The following PIK3C2A variants were observed in gnomAD, a reference collection of about 807,000 sequenced individuals.
PIK3C2A encodes phosphatidylinositol-4-phosphate 3-kinase catalytic subunit type 2 alpha, also known as phosphatidylinositol 4-phosphate 3-kinase C2 domain-containing subunit alpha.
A neutral mutation model predicts 204.5 loss-of-function variants in PIK3C2A; 97 were observed. The observed-to-expected ratio is 0.47, with a 90% CI of 0.40 to 0.56. PIK3C2A has a LOEUF of 0.56. PIK3C2A is among the 20% of genes least tolerant of loss of function. PIK3C2A has a pLI of 0.00. For missense variants in PIK3C2A, 1,735 were observed against 1,969.2 expected, an observed-to-expected ratio of 0.88 and a Z score of 2.25; for synonymous variants, 653 against 664.4, an observed-to-expected ratio of 0.98 and a Z score of 0.26.
At chr11:17,131,768 A>G in intron 12 of PIK3C2A, 148 bp downstream of exon 12, 2 of 702,730 alleles carry the variant, frequency 2.8e-6, no homozygotes, top group African/African-American at 1.8e-5. Context: ...CTATAAAATC[A>G]TATCTAGAAG....
chr11:17,092,438 G>A (rs535471878), intron 28 of PIK3C2A, among the ~76,000 whole-genome samples, 162 bp from the exon 29 acceptor site: 11 of 152,282 alleles, frequency 7.2e-5, no homozygotes, highest in African/African-American at 1.9e-4. Flanking sequence ...AGGCCAAGGC[G>A]GGTGGATCAC....
chr11:17,105,422 A>G, intron 22 of PIK3C2A, 117 bp from the exon 23 acceptor site: 1 of 822,296 alleles, frequency 1.2e-6, no homozygotes, highest in Non-Finnish European at 1.9e-6. Context: ...ATACACGTGC[A>G]GAATGTGCAA....
chr11:17,101,306 G>A lies in PIK3C2A; in HGVS notation c.3980C>T (p.Thr1327Ile). Residue 1327 changes from threonine (T) to isoleucine (I), a missense_variant, in exon 25 of 33, where the codon ACA becomes ATA. By Grantham distance (89) the Thr-to-Ile change is moderately conservative. Coordinates refer to ENST00000691414, the MANE Select transcript of PIK3C2A (RefSeq NM_002645.4). ...CQAYNLIRKQTNLFLNLLSLM... is the reference protein window; with the variant it reads ...CQAYNLIRKQINLFLNLLSLM... ...TGAAAGGAGGTTAAGAAAAAGGTTT[G>A]TCTGCTTTCTTATCAAGTTGTAGGC... The A allele has an allele frequency of 6.4e-7, 1 of 1,561,246 alleles. No homozygotes were observed. The highest frequency in any genetic ancestry group is 8.7e-7 in the Non-Finnish European group (1 of 1,143,748).
In PIK3C2A at chr11:17,096,044, T is replaced by G. The variant is rs564461321; in HGVS notation, c.4326+1013A>C. ...ACTTGTTTTGCTGGCTAGTTAAACT[T>G]TTTTTTTTTTTTGATACAGCGTCTT... On this transcript the variant is annotated intron_variant, in intron 27 of 32. Coordinates refer to ENST00000691414, the MANE Select transcript of PIK3C2A (RefSeq NM_002645.4). Among the ~76,000 whole-genome samples, 5 of 147,382 alleles carry G rather than the reference T, an allele frequency of 3.4e-5. No individual in the cohort carries two copies. In the East Asian group the frequency reaches 7.8e-4, roughly 23 times the overall value.
intron 21 of PIK3C2A, among the ~76,000 whole-genome samples, chr11:17,112,095 C>T (rs981744476): frequency 1.9e-4 from 29 of 152,022 alleles, no homozygotes; most frequent in African/African-American, 6.8e-4. Context: ...ACGTGTCCAA[C>T]TCATTGAATT....
At chr11:17,101,098 G>C (rs1357399752) in intron 25 of PIK3C2A, among the ~76,000 whole-genome samples, 180 bp downstream of exon 25, 1 of 152,102 alleles carries the variant, frequency 6.6e-6, no homozygotes, top group Non-Finnish European at 1.5e-5. Flanking sequence ...TCAGACAGTA[G>C]GTACTCTTGT....
At position 17,097,114 on chromosome 11, in the gene PIK3C2A, T is replaced by C. The variant is rs61763085; in HGVS notation, c.4269A>G (p.Arg1423=). Residue 1423 remains arginine (R), a synonymous_variant, in exon 27 of 33, where the codon CGA becomes CGG. Coordinates refer to ENST00000691414, the MANE Select transcript of PIK3C2A (RefSeq NM_002645.4). ...ATGTAAAAACAGAGACTTCCTTGAT[T>C]CGACCATCTTGTCTAAAGGAGTATG... ...PKTYSFRQDG[R]IKEVSVFTYH... is the part of the protein sequence containing the mutation. 1 of 1,609,174 alleles carries C rather than the reference T, an allele frequency of 6.2e-7. No individual in the cohort carries two copies. The highest frequency in any genetic ancestry group is 1.7e-5 in the Admixed American group (1 of 60,018).
rs752118974 is a variant in PIK3C2A at position 17,203,481 on chromosome 11, T to C, written c.-66+4367A>G. On this transcript the variant is annotated intron_variant, in intron 1 of 32. Coordinates refer to ENST00000691414, the MANE Select transcript of PIK3C2A (RefSeq NM_002645.4). ...AAGACATTTCTTCTCATCCCAACCA[T>C]AATCCTATGAACAACCTGAAAGATA... Among the ~76,000 whole-genome samples the C allele has an allele frequency of 8.5e-5, 13 of 152,266 alleles. No individual in the cohort carries two copies. The South Asian group carries it at 2.3e-3, about 27-fold the overall frequency.
Position 17,181,034 on chromosome 11 carries a change from T to C in PIK3C2A, c.-65-11228A>G, listed in dbSNP as rs150413723. Among the ~76,000 whole-genome samples the C allele has an allele frequency of 5.3e-4, 81 of 152,082 alleles. No individual in the cohort carries two copies. In the East Asian group the frequency reaches 0.015, roughly 28 times the overall value. The stretch of plus-strand genomic sequence containing the variant: ...ACTGACTTATTATAAAGGATACAAC[T>C]CAGGAACAGCCAAAGGGAAGAGATG... On this transcript the variant is annotated intron_variant, in intron 1 of 32. Transcript: ENST00000691414.
chr11:17,169,762 C>T lies in PIK3C2A; in HGVS notation c.-21G>A. The T allele has an allele frequency of 6.6e-7, 1 of 1,517,698 alleles. No homozygotes were observed. Among genetic ancestry groups the T allele is most frequent in the South Asian group, 1.3e-5 (1 of 80,000 alleles). 94.0% of individuals were successfully genotyped at this position (1,517,698 alleles called of 1,614,324 possible). A position where few individuals can be genotyped will look rare whatever the true frequency, so the allele number is the denominator to read the frequency against. Reference sequence around the variant, plus strand: ...GCCATGTCCACTAAAAAGACCAAACCTTCCTTCCTCTATTTTTTTCTTGTA... The same window carrying T: ...GCCATGTCCACTAAAAAGACCAAACTTTCCTTCCTCTATTTTTTTCTTGTA... On this transcript the variant is annotated 5_prime_UTR_variant, in exon 2 of 33. Transcript: ENST00000691414.
intron 13 of PIK3C2A, among the ~76,000 whole-genome samples, chr11:17,124,838 G>C (rs936207913): frequency 1.3e-5 from 2 of 152,070 alleles, no homozygotes; most frequent in Non-Finnish European, 2.9e-5. Flanking sequence ...CAGGCCTTTT[G>C]TTCTGTAGAA....
intron 1 of PIK3C2A, among the ~76,000 whole-genome samples, chr11:17,190,159 A>G (rs949598024): frequency 6.6e-6 from 1 of 152,098 alleles, no homozygotes. Context: ...GTTACTCTGG[A>G]GGCTGAGGCA....
intron 13 of PIK3C2A, among the ~76,000 whole-genome samples, chr11:17,124,753 C>T (rs1849469519): frequency 6.6e-6 from 1 of 152,194 alleles, no homozygotes; most frequent in African/African-American, 2.4e-5. Flanking sequence ...TTTTATCTGG[C>T]ACCCTTTACA....
chr11:17,113,007 CATTTT>C (rs1849049707), intron 20 of PIK3C2A, among the ~76,000 whole-genome samples: 1 of 151,660 alleles, frequency 6.6e-6, no homozygotes, highest in Admixed American at 6.6e-5. Context: ...ATTGCTTTTT[CATTTT>C]ATTTATTTAT....
rs1032665058 is a variant in PIK3C2A at position 17,136,716 on chromosome 11, T to C, written c.1705-91A>G. The C allele has an allele frequency of 3.6e-5, 23 of 640,220 alleles. No individual in the cohort carries two copies. The African/African-American group carries it at 4.2e-4, about 12-fold the overall frequency. The allele number at this position is 640,220 out of a possible 1,614,324, so 39.7% of individuals were successfully genotyped here. A position where few individuals can be genotyped will look rare whatever the true frequency, so the allele number is the denominator to read the frequency against. On this transcript the variant is annotated intron_variant, in intron 8 of 32. Coordinates refer to ENST00000691414, the MANE Select transcript of PIK3C2A (RefSeq NM_002645.4). The stretch of plus-strand genomic sequence containing the variant: ...AGTCAGAAACTAGATATCTTAGATA[T>C]CCCTAACAGATATCCTCTACTCTTT...
At chr11:17,172,708 T>G (rs1851218287) in intron 1 of PIK3C2A, among the ~76,000 whole-genome samples, 1 of 152,248 alleles carries the variant, frequency 6.6e-6, no homozygotes, top group African/African-American at 2.4e-5. Flanking sequence ...TTTTCCTTTC[T>G]AAGGCGACTT....
intron 1 of PIK3C2A, among the ~76,000 whole-genome samples, chr11:17,175,432 G>C (rs1388175115): frequency 6.6e-6 from 1 of 152,168 alleles, no homozygotes; most frequent in Non-Finnish European, 1.5e-5. Flanking sequence ...TGCTTCAGCT[G>C]TTTTTCTGGG....
At chr11:17,166,801 C>T (rs1047274747) in intron 2 of PIK3C2A, among the ~76,000 whole-genome samples, 1 of 152,182 alleles carries the variant, frequency 6.6e-6, no homozygotes, top group African/African-American at 2.4e-5. Context: ...CATCTCAAAT[C>T]CTGACTCCAG....
At chr11:17,150,684 C>T (rs1441308576) in intron 3 of PIK3C2A, 29 bp from the exon 4 acceptor site, 5 of 1,539,104 alleles carry the variant, frequency 3.2e-6, no homozygotes, top group Non-Finnish European at 4.4e-6. Context: ...AAATTAAATT[C>T]TTTTTTAAAA....
Sources: allele counts gnomAD v4.1 joint callset (sites outside exome capture counted in the v4.1 genomes callset), GRCh38; gene constraint gnomAD v4.1.1; transcripts MANE v1.5; gene names NCBI Gene and HGNC (gene_info 2026-07-23, HGNC 2026-07-21).